GRK1: variants seen among roughly 807,000 people sequenced by gnomAD.
GRK1 encodes the protein rhodopsin kinase GRK1.
Under a neutral mutation model 41.7 loss-of-function variants are expected in GRK1, and 28 were observed. That is an observed-to-expected ratio of 0.67 (90% confidence interval 0.50 to 0.92). The LOEUF is 0.92. Ranked by LOEUF, GRK1 falls within the 40% of genes least tolerant of loss-of-function variation. GRK1 has a pLI of 0.00. For missense variants in GRK1, 703 were observed against 671.2 expected (o/e 1.05, Z -0.52); for synonymous variants, 327 against 286.7 (o/e 1.14, Z -1.42).
chr13:113,724,628 G>T (rs948875497), intron 4 of GRK1, among the ~76,000 whole-genome samples: 3 of 152,210 alleles, frequency 2.0e-5, no homozygotes, highest in African/African-American at 7.2e-5. Context: ...CTCATGGCTG[G>T]GTTGCCATCT....
At chr13:113,657,307 AG>A in the GRK1 span, among the ~76,000 whole-genome samples, 1 of 152,160 alleles carries the variant, frequency 6.6e-6, no homozygotes, top group Non-Finnish European at 1.5e-5. Context: ...CCCGACGCCC[AG>A]GGGTCGCAGG....
At position 113,731,680 on chromosome 13, in the gene GRK1, G is replaced by A. The variant is rs948914071; in HGVS notation, c.1194+337G>A. On this transcript the variant is annotated intron_variant, in intron 5 of 6. Coordinates refer to ENST00000335678, the MANE Select transcript of GRK1 (RefSeq NM_002929.3). The surrounding 1 kb of genome is among the most constrained non-coding windows in gnomAD (Gnocchi z 5.6). Reference sequence around the variant, plus strand: ...GGGGCCGGTCCCTCTGGTGCAGACCGGAGGAGGGAGGGCGACTTATCCCAC... The same window carrying A: ...GGGGCCGGTCCCTCTGGTGCAGACCAGAGGAGGGAGGGCGACTTATCCCAC... Among the ~76,000 whole-genome samples, 1 of 152,164 alleles carries A rather than the reference G, an allele frequency of 6.6e-6. No homozygotes were observed. The highest frequency in any genetic ancestry group is 2.4e-5 in the African/African-American group (1 of 41,442).
chr13:113,727,981 G>A (rs2049902698), intron 4 of GRK1, among the ~76,000 whole-genome samples: 1 of 89,500 alleles, frequency 1.1e-5, no homozygotes, highest in East Asian at 3.1e-4. Flanking sequence ...ATGGCGATGA[G>A]GAGTACCCAT....
Position 113,731,396 on chromosome 13 carries a change from G to A in GRK1, c.1194+53G>A, listed in dbSNP as rs189055264. 4 of 1,534,406 alleles carry A rather than the reference G, an allele frequency of 2.6e-6. No individual in the cohort carries two copies. Among genetic ancestry groups the A allele is most frequent in the South Asian group, 1.2e-5 (1 of 83,736 alleles). ...CAGCCACCTTGGCGCCCTGGCTCTC[G>A]ATGGGGACGGGGCAGTGATGGGATC... On this transcript the variant is annotated intron_variant, in intron 5 of 6. Coordinates refer to ENST00000335678, the MANE Select transcript of GRK1 (RefSeq NM_002929.3). The surrounding 1 kb of genome is among the most constrained non-coding windows in gnomAD (Gnocchi z 5.6).
In GRK1 at chr13:113,667,617, A is replaced by G. The variant is rs1373253261; in HGVS notation, c.231A>G (p.Gln77=). The G allele has an allele frequency of 6.2e-7, 1 of 1,613,524 alleles. No individual in the cohort carries two copies. Among genetic ancestry groups the G allele is most frequent in the South Asian group, 1.1e-5 (1 of 91,084 alleles). The change falls in exon 1 of 7, where the codon CAA becomes CAG. Residue 77 remains glutamine, a synonymous_variant. Transcript: ENST00000335678. This position sits in a 1 kb window ranked among gnomAD's most constrained non-coding sequence, Gnocchi z 7.5. The stretch of plus-strand genomic sequence containing the variant: ...AGAAGCTCTTTCAGCAGTTCCTACA[A>G]TCGGCAGAGAAGCACCTGCCGGCCC... The part of the protein sequence containing the change: ...IGKKLFQQFL[Q]SAEKHLPALE...
chr13:113,658,505 T>C, the GRK1 span, among the ~76,000 whole-genome samples: 1 of 152,086 alleles, frequency 6.6e-6, no homozygotes, highest in Non-Finnish European at 1.5e-5. Flanking sequence ...AGGAGGGAGA[T>C]TGAGGTCAGA....
In GRK1 at chr13:113,737,295, C is replaced by T. The variant is rs2050011323; in HGVS notation, c.*1932C>T. On this transcript the variant is annotated 3_prime_UTR_variant, in exon 7 of 7. Coordinates refer to ENST00000335678, the MANE Select transcript of GRK1 (RefSeq NM_002929.3). Reference sequence around the variant, plus strand: ...CGTCTTCCCATAGGTCCCACGTCAGCCACACCCTGGGTGAGGAGCACGTCT... The same window carrying T: ...CGTCTTCCCATAGGTCCCACGTCAGTCACACCCTGGGTGAGGAGCACGTCT... 1.3e-5 allele frequency: 2 copies of T among 149,494 alleles called. No individual in the cohort carries two copies. Among genetic ancestry groups the T allele is most frequent in the African/African-American group, 5.0e-5 (2 of 40,134 alleles). The allele number at this position is 149,494 out of a possible 1,614,324, so 9.3% of individuals were successfully genotyped here.
At chr13:113,664,355 G>A (rs889507554), upstream of GRK1, among the ~76,000 whole-genome samples, 3 of 152,004 alleles carry the variant, frequency 2.0e-5, no homozygotes, top group South Asian at 2.1e-4. This position sits in a 1 kb window ranked among gnomAD's most constrained non-coding sequence, Gnocchi z 5.4. Context: ...CAGAGTTAAG[G>A]GTACACAGGA....
chr13:113,732,993 C>G lies in GRK1; in HGVS notation c.1304C>G (p.Pro435Arg), dbSNP rs1450224290. 2 of 1,536,962 alleles carry G rather than the reference C, an allele frequency of 1.3e-6. No homozygotes were observed. The highest frequency in any genetic ancestry group is 1.4e-5 in the African/African-American group (1 of 73,040). ...DFCEALLEKDPEKRLGFRDET... is the reference protein window; with the variant it reads ...DFCEALLEKDREKRLGFRDET... Reference sequence around the variant, plus strand: ...TGCGAGGCGCTGCTGGAGAAGGACCCGGAGAAGCGCCTGGGGTTCAGAGAT... The same window carrying G: ...TGCGAGGCGCTGCTGGAGAAGGACCGGGAGAAGCGCCTGGGGTTCAGAGAT... Residue 435 changes from proline to arginine, a missense_variant, in exon 6 of 7, where the codon CCG becomes CGG. Physicochemically the swap from Pro to Arg is moderately radical, Grantham distance 103. Coordinates refer to ENST00000335678, the MANE Select transcript of GRK1 (RefSeq NM_002929.3).
the GRK1 span, among the ~76,000 whole-genome samples, chr13:113,655,331 A>G: frequency 6.6e-6 from 1 of 152,194 alleles, no homozygotes; most frequent in Non-Finnish European, 1.5e-5. Context: ...AGGAAGGGAA[A>G]CTGAGGCAGA....
chr13:113,661,226 A>G, the GRK1 span, among the ~76,000 whole-genome samples: 6 of 152,202 alleles, frequency 3.9e-5, no homozygotes, highest in Admixed American at 3.9e-4. Context: ...ATGAAACCTG[A>G]ACAACATACT....
At chr13:113,664,423 A>C (rs1015760677), upstream of GRK1, among the ~76,000 whole-genome samples, 5 of 152,230 alleles carry the variant, frequency 3.3e-5, no homozygotes, top group African/African-American at 4.8e-5. The surrounding 1 kb of genome is among the most constrained non-coding windows in gnomAD (Gnocchi z 5.4). Flanking sequence ...CAGAATAAAG[A>C]GTTTAATTAA....
At chr13:113,666,457 C>CCCCAGGTGTGTCCCAGCTGT (rs1298003830), upstream of GRK1, among the ~76,000 whole-genome samples, 1 of 149,972 alleles carries the variant, frequency 6.7e-6, no homozygotes, top group African/African-American at 2.5e-5. Flanking sequence ...CCCAGGTGTT[C>CCCCAGGTGTGTCCCAGCTGT]CCCAGGTGTG....
At chr13:113,657,337 G>A in the GRK1 span, among the ~76,000 whole-genome samples, 2 of 152,256 alleles carry the variant, frequency 1.3e-5, no homozygotes, top group African/African-American at 4.8e-5. Context: ...GGGGCGCACA[G>A]GTGCTTCCTC....
At chr13:113,656,517 C>CT in the GRK1 span, among the ~76,000 whole-genome samples, 1 of 152,176 alleles carries the variant, frequency 6.6e-6, no homozygotes, top group East Asian at 1.9e-4. Flanking sequence ...TGGGCCCCCG[C>CT]TTGCACCACG....
chr13:113,729,597 G>A (rs2049918820), intron 4 of GRK1, among the ~76,000 whole-genome samples: 1 of 152,208 alleles, frequency 6.6e-6, no homozygotes, highest in South Asian at 2.1e-4. Context: ...TGCTGCCAGA[G>A]CCCTGAAGCT....
At chr13:113,650,439 C>T in the GRK1 span, 29 of 1,613,912 alleles carry the variant, frequency 1.8e-5, no homozygotes, top group Non-Finnish European at 2.4e-5. The surrounding 1 kb of genome is among the most constrained non-coding windows in gnomAD (Gnocchi z 5.0). Context: ...GGAAGTAGTG[C>T]AGACTGAAGG....
intron 4 of GRK1, among the ~76,000 whole-genome samples, chr13:113,727,832 TGAG>T (rs1237751154): frequency 1.0e-5 from 1 of 96,520 alleles, no homozygotes; most frequent in Non-Finnish European, 2.3e-5. Flanking sequence ...CCCATGGCGA[TGAG>T]GAGTACCCAT....
intron 4 of GRK1, among the ~76,000 whole-genome samples, chr13:113,729,504 T>G (rs1318263046): frequency 2.0e-5 from 3 of 152,150 alleles, no homozygotes; most frequent in African/African-American, 7.2e-5. Context: ...AAGGAGGGTG[T>G]GAGCGGCAGC....
Sources: allele counts gnomAD v4.1 joint callset (sites outside exome capture counted in the v4.1 genomes callset), GRCh38; gene constraint gnomAD v4.1.1; non-coding constraint Gnocchi (gnomAD v3.1); transcripts MANE v1.5; gene names NCBI Gene and HGNC (gene_info 2026-07-23, HGNC 2026-07-21).